PER3: variants seen among roughly 807,000 people sequenced by gnomAD.
PER3 encodes period circadian regulator 3.
PER3 carries 107 observed loss-of-function variants against 127.2 expected under a neutral mutation model. That is an observed-to-expected ratio of 0.84 (90% confidence interval 0.72 to 0.99). PER3 has a LOEUF of 0.99. Ranked by LOEUF, PER3 falls within the 50% of genes least tolerant of loss-of-function variation. The probability of loss-of-function intolerance (pLI) is 0.00; values close to 1 mark genes in which losing one functional copy is unlikely to be tolerated. For synonymous variants in PER3, 618 were observed against 585.8 expected (o/e 1.05, Z -0.79); for missense variants, 1,560 against 1,525.8 (o/e 1.02, Z -0.37).
intron 11 of PER3, 43 bp from the exon 12 acceptor site, chr1:7,809,850 G>T: frequency 3.8e-6 from 6 of 1,595,214 alleles, no homozygotes; most frequent in Non-Finnish European, 5.1e-6. Context: ...GGCTGCATTT[G>T]AACAGCCAGC....
Position 7,816,258 on chromosome 1 carries a change from T to A in PER3, c.1523-3027T>A, listed in dbSNP as rs184298767. ...GGAATTGAAGAGAAACTAAGTTAAA[T>A]CAAAGGGTAATAAAATTAATAAGTC... On this transcript the variant is annotated intron_variant, in intron 13 of 21. Coordinates refer to ENST00000377532, the MANE Select transcript of PER3 (RefSeq NM_001377275.1). 1.0e-3 allele frequency among the ~76,000 whole-genome samples: 156 copies of A among 151,318 alleles called. 3 individuals are homozygous for A. The highest frequency in any genetic ancestry group is 8.8e-3 in the Admixed American group (133 of 15,162).
At chr1:7,836,024 GT>G in intron 20 of PER3, 79 bp downstream of exon 20, 1 of 940,414 alleles carries the variant, frequency 1.1e-6, no homozygotes, top group African/African-American at 1.7e-5. Context: ...TTGAGACGGA[GT>G]CTCGCCCTGT....
rs1261212797 is a variant in PER3 at position 7,822,249 on chromosome 1, TA to T, written c.1957+1618del. ...GGTGAGACTCTGTCTACAAAAAATT[TA>T]AAAAAAAATTTTTTTTTTTTTTTGA... On this transcript the variant is annotated intron_variant, in intron 16 of 21. Transcript: ENST00000377532. Among the ~76,000 whole-genome samples, 181 of 126,962 alleles carry T rather than the reference TA, an allele frequency of 1.4e-3. 2 individuals are homozygous for T. The highest frequency in any genetic ancestry group is 4.6e-3 in the African/African-American group (167 of 36,410). 83.3% of individuals were successfully genotyped at this position (126,962 alleles called of 152,430 possible).
In PER3 at chr1:7,826,741, A is replaced by T. The variant is rs764825893; in HGVS notation, c.2188+31A>T. ...TAATTTTTTAAAAATAAATGCCATT[A>T]ATCTATGTAAATGTTACAAACTGTA... On this transcript the variant is annotated intron_variant, in intron 17 of 21. Coordinates refer to ENST00000377532, the MANE Select transcript of PER3 (RefSeq NM_001377275.1). This position sits in a 1 kb window ranked among gnomAD's most constrained non-coding sequence, Gnocchi z 4.2. 2 of 1,261,126 alleles carry T rather than the reference A, an allele frequency of 1.6e-6. No individual in the cohort carries two copies. The highest frequency in any genetic ancestry group is 4.7e-5 in the East Asian group (2 of 42,326). The allele number at this position is 1,261,126 out of a possible 1,614,324, so 78.1% of individuals were successfully genotyped here. A position where few individuals can be genotyped will look rare whatever the true frequency, so the allele number is the denominator to read the frequency against.
chr1:7,816,980 A>G (rs2097254487), intron 13 of PER3, among the ~76,000 whole-genome samples: 2 of 152,260 alleles, frequency 1.3e-5, no homozygotes, highest in African/African-American at 4.8e-5. Context: ...CTTAACGGTG[A>G]AGAGAAATGA....
chr1:7,794,974 T>G (rs1377844894), intron 6 of PER3, among the ~76,000 whole-genome samples: 1 of 152,138 alleles, frequency 6.6e-6, no homozygotes, highest in Non-Finnish European at 1.5e-5. Flanking sequence ...GATTGCCAGT[T>G]TTAGTATTGA....
intron 21 of PER3, among the ~76,000 whole-genome samples, chr1:7,840,334 TA>T (rs201386549): frequency 7.8e-4 from 114 of 146,638 alleles, no homozygotes; most frequent in South Asian, 6.9e-3. Flanking sequence ...TTCTTTTTTC[TA>T]TTTTTTTTTT....
rs549833700 is a variant in PER3 at position 7,828,430 on chromosome 1, A to C, written c.2886+615A>C. ...TTCTCAGGTTTATTTAGCAGGTTAA[A>C]CTTTGGAATCTGACGTTCCTATATT... On this transcript the variant is annotated intron_variant, in intron 18 of 21. Coordinates refer to ENST00000377532, the MANE Select transcript of PER3 (RefSeq NM_001377275.1). 3.9e-5 allele frequency among the ~76,000 whole-genome samples: 6 copies of C among 152,322 alleles called. No homozygotes were observed. The South Asian group carries it at 1.2e-3, about 32-fold the overall frequency.
chr1:7,804,771 C>CATCCACGT (rs1020515222), intron 10 of PER3, among the ~76,000 whole-genome samples: 1 of 152,030 alleles, frequency 6.6e-6, no homozygotes, highest in African/African-American at 2.4e-5. Context: ...TGCTGTTGCC[C>CATCCACGT]ATCCACGTAA....
At chr1:7,819,216 G>T in intron 13 of PER3, 69 bp from the exon 14 acceptor site, 5 of 1,368,416 alleles carry the variant, frequency 3.7e-6, no homozygotes, top group Non-Finnish European at 4.1e-6. Context: ...TTTAATTTTG[G>T]TAAGAAAGTA....
At chr1:7,824,498 A>C (rs535638178) in intron 16 of PER3, among the ~76,000 whole-genome samples, 1 of 143,614 alleles carries the variant, frequency 7.0e-6, no homozygotes, top group Non-Finnish European at 1.5e-5. Flanking sequence ...TAAACTGTAG[A>C]CTCAGTTTCT....
At position 7,826,494 on chromosome 1, in the gene PER3, C is replaced by A. The variant is rs774996522; in HGVS notation, c.1972C>A (p.Leu658Ile). ...TTCCACCTCAGCCAGGGATGCTACC[C>A]TCTTCTGTGAGCCCTGGACCCTGAA... ...PPPETARDAT[L>I]FCEPWTLNMQ... The change falls in exon 17 of 22, where the codon CTC becomes ATC. Residue 658 changes from leucine (L) to isoleucine (I), a missense_variant. Leu to Ile is a conservative substitution (Grantham distance 5, BLOSUM62 2). Transcript: ENST00000377532. This position sits in a 1 kb window ranked among gnomAD's most constrained non-coding sequence, Gnocchi z 4.2. The A allele has an allele frequency of 3.7e-6, 6 of 1,608,370 alleles. No individual in the cohort carries two copies. In the African/African-American group the frequency reaches 6.7e-5, roughly 18 times the overall value.
chr1:7,808,875 T>C lies in PER3; in HGVS notation c.1137-18T>C, dbSNP rs756370743. The C allele has an allele frequency of 7.7e-7, 1 of 1,290,874 alleles. No homozygotes were observed. The highest frequency in any genetic ancestry group is 1.2e-5 in the South Asian group (1 of 83,870). 80.0% of individuals were successfully genotyped at this position (1,290,874 alleles called of 1,614,324 possible). On this transcript the variant is annotated intron_variant, in intron 10 of 21. Transcript: ENST00000377532. ...CATTTAAATTGTTTGACTCAGTCTC[T>C]CACTGGGCATTTTCTAGGAGCCCAC...
chr1:7,810,253 G>A lies in PER3; in HGVS notation c.1372-185G>A, dbSNP rs2097213557. 1.5e-5 allele frequency: 9 copies of A among 618,584 alleles called. No individual in the cohort carries two copies. The East Asian group carries it at 2.6e-4, about 18-fold the overall frequency. 38.3% of individuals were successfully genotyped at this position (618,584 alleles called of 1,614,324 possible). On this transcript the variant is annotated intron_variant, in intron 12 of 21. Coordinates refer to ENST00000377532, the MANE Select transcript of PER3 (RefSeq NM_001377275.1). ...TCTAAAAATTAGCATATTGTGAACAGATTTATTTAGAATTTGTTGGTACCA... is the reference window on the plus strand; with the variant it reads ...TCTAAAAATTAGCATATTGTGAACAAATTTATTTAGAATTTGTTGGTACCA...
intron 6 of PER3, among the ~76,000 whole-genome samples, chr1:7,795,542 G>A (rs1453038922): frequency 4.6e-5 from 7 of 152,198 alleles, no homozygotes; most frequent in African/African-American, 1.7e-4. Flanking sequence ...GCAAGTGTCT[G>A]AGAAAGTGTG....
Position 7,827,343 on chromosome 1 carries a change from A to T in PER3, c.2414A>T (p.Tyr805Phe), listed in dbSNP as rs1336004516. 1 of 1,613,682 alleles carries T rather than the reference A, an allele frequency of 6.2e-7. No homozygotes were observed. The highest frequency in any genetic ancestry group is 2.2e-5 in the East Asian group (1 of 44,848). The change falls in exon 18 of 22, where the codon TAC becomes TTC. Residue 805 changes from tyrosine (Y) to phenylalanine (F), a missense_variant. By Grantham distance (22) the Tyr-to-Phe change is conservative (BLOSUM62 3). Around this residue, in one of 3 missense-constraint regions of PER3, gnomAD observed 1,332 missense variants for 1,223.6 expected, o/e 1.09. Transcript: ENST00000377532. ...GCCATGGTGCCCAGCCAGGCCCCTTACCTCGTCCCAGCTTTTCCCCTCCCA... is the reference window on the plus strand; with the variant it reads ...GCCATGGTGCCCAGCCAGGCCCCTTTCCTCGTCCCAGCTTTTCCCCTCCCA... ...PAAMVPSQAPYLVPAFPLPAA... is the reference protein window; with the variant it reads ...PAAMVPSQAPFLVPAFPLPAA...
intron 18 of PER3, among the ~76,000 whole-genome samples, chr1:7,828,221 G>T (rs747982587): frequency 7.2e-5 from 11 of 152,216 alleles, no homozygotes; most frequent in Non-Finnish European, 1.6e-4. Flanking sequence ...ACAATTTAAC[G>T]ATTGTACTTC....
chr1:7,843,852 T>C lies in PER3; in HGVS notation c.*1097T>C. The stretch of plus-strand genomic sequence containing the variant: ...GTAGTTGTGTCTTTTAAGAAGTGAG[T>C]GTGATTGTTTACTTGATAAATCAGC... On this transcript the variant is annotated 3_prime_UTR_variant, in exon 22 of 22. Coordinates refer to ENST00000377532, the MANE Select transcript of PER3 (RefSeq NM_001377275.1). 1 of 1,135,358 alleles carries C rather than the reference T, an allele frequency of 8.8e-7. No individual in the cohort carries two copies. Among genetic ancestry groups the C allele is most frequent in the Non-Finnish European group, 1.1e-6 (1 of 875,244 alleles). The allele number at this position is 1,135,358 out of a possible 1,614,324, so 70.3% of individuals were successfully genotyped here.
chr1:7,836,956 T>G, intron 20 of PER3, 43 bp from the exon 21 acceptor site: 1 of 1,516,624 alleles, frequency 6.6e-7, no homozygotes, highest in Non-Finnish European at 9.0e-7. Flanking sequence ...AAGAACCCTG[T>G]GTCTTATTCA....
Sources: allele counts gnomAD v4.1 joint callset (sites outside exome capture counted in the v4.1 genomes callset), GRCh38; gene constraint gnomAD v4.1.1; regional missense constraint gnomAD v4.1.1; non-coding constraint Gnocchi (gnomAD v3.1); transcripts MANE v1.5; gene names NCBI Gene and HGNC (gene_info 2026-07-23, HGNC 2026-07-21).